HS3ST5: variants seen among roughly 807,000 people sequenced by gnomAD.
HS3ST5 encodes heparan sulfate-glucosamine 3-sulfotransferase 5.
HS3ST5 carries 10 observed loss-of-function variants against 25.4 expected under a neutral mutation model. The ratio of observed to expected loss-of-function variants is 0.39; its 90% confidence interval spans 0.24 to 0.67. The LOEUF is 0.67. Ranked by LOEUF, HS3ST5 falls within the 30% of genes least tolerant of loss-of-function variation. The pLI, the probability that HS3ST5 is intolerant of heterozygous loss-of-function variation, is 0.44. For missense variants in HS3ST5, 324 were observed against 420.7 expected, an observed-to-expected ratio of 0.77 and a Z score of 2.01; for synonymous variants, 170 against 162.4, an observed-to-expected ratio of 1.05 and a Z score of -0.36.
chr6:114,100,322 G>A lies in HS3ST5; in HGVS notation c.-32-37445C>T, dbSNP rs552719341. Among the ~76,000 whole-genome samples, 16 of 152,084 alleles carry A rather than the reference G, an allele frequency of 1.1e-4. No individual in the cohort carries two copies. The South Asian group carries it at 2.9e-3, about 28-fold the overall frequency. On this transcript the variant is annotated intron_variant, in intron 3 of 4. Transcript: ENST00000312719. ...ATAGAGAGGCATCCTACCACACCTC[G>A]GTTAAAGAGAAAAATTTGATGTCTG... is the stretch of plus-strand genomic sequence containing the variant.
chr6:114,219,213 C>T (rs1011635076), intron 2 of HS3ST5, among the ~76,000 whole-genome samples: 2 of 152,164 alleles, frequency 1.3e-5, no homozygotes, highest in Non-Finnish European at 2.9e-5. Flanking sequence ...TACTTCCAAT[C>T]ACATTATTTT....
chr6:114,108,654 GC>G (rs961038009), intron 3 of HS3ST5, among the ~76,000 whole-genome samples: 5 of 152,034 alleles, frequency 3.3e-5, no homozygotes, highest in Non-Finnish European at 4.4e-5. Context: ...CATGGAGCAG[GC>G]AAAAAATGCA....
At chr6:114,219,569 A>G (rs1280184792) in intron 2 of HS3ST5, among the ~76,000 whole-genome samples, 2 of 152,192 alleles carry the variant, frequency 1.3e-5, no homozygotes, top group Admixed American at 1.3e-4. Context: ...CATCAAAAAT[A>G]AGCGTAAATT....
At chr6:114,328,818 G>A (rs893735183) in intron 1 of HS3ST5, among the ~76,000 whole-genome samples, 4 of 152,182 alleles carry the variant, frequency 2.6e-5, no homozygotes, top group Non-Finnish European at 5.9e-5. Flanking sequence ...GATATTGAGA[G>A]GGTGGGATAG....
chr6:114,209,362 T>C (rs545116364), intron 2 of HS3ST5, among the ~76,000 whole-genome samples: 13 of 152,250 alleles, frequency 8.5e-5, no homozygotes, highest in African/African-American at 2.9e-4. Context: ...GTATTTTTTA[T>C]ACCTTCTTTT....
At chr6:114,332,159 T>G (rs528927285) in intron 1 of HS3ST5, among the ~76,000 whole-genome samples, 82 of 152,248 alleles carry the variant, frequency 5.4e-4, no homozygotes, top group Admixed American at 1.4e-3. Flanking sequence ...CTCTTAAAAA[T>G]TATTATAATC....
chr6:114,127,051 C>T (rs1777075720), intron 3 of HS3ST5, among the ~76,000 whole-genome samples: 1 of 151,970 alleles, frequency 6.6e-6, no homozygotes, highest in Admixed American at 6.6e-5. Flanking sequence ...TGACACAAAG[C>T]ATAAAATGAC....
intron 1 of HS3ST5, among the ~76,000 whole-genome samples, chr6:114,301,178 C>T (rs1239891791): frequency 6.6e-6 from 1 of 152,196 alleles, no homozygotes; most frequent in Non-Finnish European, 1.5e-5. Context: ...ATGAGAATCA[C>T]ATCTCAGTAA....
chr6:114,170,817 G>T (rs2115002955), intron 2 of HS3ST5, among the ~76,000 whole-genome samples: 1 of 152,142 alleles, frequency 6.6e-6, no homozygotes, highest in African/African-American at 2.4e-5. Flanking sequence ...TAATTAAAAT[G>T]GTTATTTTAA....
intron 1 of HS3ST5, among the ~76,000 whole-genome samples, chr6:114,232,890 T>C (rs753457155): frequency 2.6e-5 from 4 of 152,170 alleles, no homozygotes; most frequent in Non-Finnish European, 4.4e-5. Context: ...GGCATCTATC[T>C]AGAGTGATCT....
chr6:114,241,545 C>T (rs1474869478), intron 1 of HS3ST5, among the ~76,000 whole-genome samples: 1 of 152,166 alleles, frequency 6.6e-6, no homozygotes, highest in Admixed American at 6.5e-5. Flanking sequence ...GGGCTCTTAT[C>T]AGGCAAAGTC....
At chr6:114,247,198 G>T (rs2114610764) in intron 1 of HS3ST5, among the ~76,000 whole-genome samples, 1 of 152,190 alleles carries the variant, frequency 6.6e-6, no homozygotes, top group East Asian at 1.9e-4. Context: ...TGTTAATCTT[G>T]TTGCAACACG....
chr6:114,326,342 A>G (rs1373084823), intron 1 of HS3ST5, among the ~76,000 whole-genome samples: 1 of 152,166 alleles, frequency 6.6e-6, no homozygotes, highest in Non-Finnish European at 1.5e-5. Flanking sequence ...GTGAACGGAG[A>G]TCACGCCACT....
chr6:114,118,268 A>G (rs1223256341), intron 3 of HS3ST5, among the ~76,000 whole-genome samples: 1 of 152,148 alleles, frequency 6.6e-6, no homozygotes, highest in Non-Finnish European at 1.5e-5. Flanking sequence ...CACATAAGTC[A>G]CAGCTAGGTA....
chr6:114,326,546 G>C (rs923354764), intron 1 of HS3ST5, among the ~76,000 whole-genome samples: 4 of 152,162 alleles, frequency 2.6e-5, no homozygotes, highest in South Asian at 2.1e-4. Flanking sequence ...ACAGTAATTA[G>C]AGCAGTTGCA....
chr6:114,280,302 G>A (rs1774050024), intron 1 of HS3ST5, among the ~76,000 whole-genome samples: 1 of 151,974 alleles, frequency 6.6e-6, no homozygotes, highest in African/African-American at 2.4e-5. Flanking sequence ...TACAGGGCAG[G>A]AGATGGCAGC....
intron 2 of HS3ST5, among the ~76,000 whole-genome samples, chr6:114,171,687 T>C (rs902415751): frequency 6.6e-6 from 1 of 152,144 alleles, no homozygotes. Flanking sequence ...ATTCGTAAGT[T>C]ACGGAGGCAA....
At chr6:114,198,894 C>T (rs570775063) in intron 2 of HS3ST5, among the ~76,000 whole-genome samples, 1 of 152,202 alleles carries the variant, frequency 6.6e-6, no homozygotes, top group Non-Finnish European at 1.5e-5. Flanking sequence ...ACACACACCT[C>T]TATTCCCAGG....
intron 1 of HS3ST5, among the ~76,000 whole-genome samples, chr6:114,267,361 C>A (rs916259871): frequency 1.3e-5 from 2 of 152,054 alleles, no homozygotes; most frequent in African/African-American, 4.8e-5. Context: ...CAAGAAGCAC[C>A]AATAAAAGGG....
Sources: allele counts gnomAD v4.1 joint callset (sites outside exome capture counted in the v4.1 genomes callset), GRCh38; gene constraint gnomAD v4.1.1; transcripts MANE v1.5; gene names NCBI Gene and HGNC (gene_info 2026-07-23, HGNC 2026-07-21).